AFG1L: variants seen among roughly 807,000 people sequenced by gnomAD.
AFG1L encodes the protein AFG1 like ATPase.
Under a neutral mutation model 62.2 loss-of-function variants are expected in AFG1L, and 53 were observed. The ratio of observed to expected loss-of-function variants is 0.85; its 90% CI spans 0.68 to 1.07. The LOEUF (loss-of-function observed/expected upper bound fraction) is 1.07, where lower values mean the gene tolerates loss of function less well. AFG1L is among the 50% of genes least tolerant of loss of function. The pLI is 0.00. For missense variants in AFG1L, 555 were observed against 590.5 expected, an observed-to-expected ratio of 0.94 and a Z score of 0.62; for synonymous variants, 228 against 210.3, an observed-to-expected ratio of 1.08 and a Z score of -0.73.
At chr6:108,449,126 C>T (rs926459818) in intron 8 of AFG1L, among the ~76,000 whole-genome samples, 39 of 148,064 alleles carry the variant, frequency 2.6e-4, no homozygotes, top group Admixed American at 2.4e-3. Flanking sequence ...TCAGCCTGGG[C>T]GACAGAGCAA....
chr6:108,465,691 T>C (rs1772638697), intron 8 of AFG1L, among the ~76,000 whole-genome samples: 1 of 152,080 alleles, frequency 6.6e-6, no homozygotes, highest in African/African-American at 2.4e-5. Context: ...CTAAAGTTTT[T>C]ACAATAAAGT....
intron 6 of AFG1L, among the ~76,000 whole-genome samples, chr6:108,400,215 C>G (rs1263745053): frequency 1.3e-5 from 2 of 152,058 alleles, no homozygotes; most frequent in Non-Finnish European, 2.9e-5. Flanking sequence ...GCTCAGACAT[C>G]TAGTACTATG....
intron 1 of AFG1L, among the ~76,000 whole-genome samples, chr6:108,298,596 G>A (rs1427890987): frequency 2.6e-5 from 4 of 152,016 alleles, no homozygotes; most frequent in African/African-American, 7.2e-5. Context: ...AAGTGTGGAT[G>A]TGAGCTGTAC....
At chr6:108,410,368 A>G (rs1350212682) in intron 7 of AFG1L, among the ~76,000 whole-genome samples, 1 of 152,204 alleles carries the variant, frequency 6.6e-6, no homozygotes, top group Non-Finnish European at 1.5e-5. Context: ...AGGATTATAA[A>G]AAGAATCTTA....
At chr6:108,454,158 T>A (rs1772164716) in intron 8 of AFG1L, among the ~76,000 whole-genome samples, 1 of 152,234 alleles carries the variant, frequency 6.6e-6, no homozygotes, top group Non-Finnish European at 1.5e-5. Flanking sequence ...TTCTCTCATG[T>A]GTCTTTTAGA....
chr6:108,405,490 G>A (rs1221887241), intron 7 of AFG1L, among the ~76,000 whole-genome samples: 1 of 152,118 alleles, frequency 6.6e-6, no homozygotes, highest in African/African-American at 2.4e-5. Context: ...GGGACTATAG[G>A]CGTATTCCAC....
At chr6:108,504,011 TCTGTGTTAGG>T (rs544049130) in intron 10 of AFG1L, among the ~76,000 whole-genome samples, 30 of 152,388 alleles carry the variant, frequency 2.0e-4, no homozygotes, top group East Asian at 7.7e-4. Context: ...AGGGCCTTGC[TCTGTGTTAGG>T]CTTTGCCTTA....
At chr6:108,350,613 A>G (rs1779043031) in intron 3 of AFG1L, among the ~76,000 whole-genome samples, 1 of 152,220 alleles carries the variant, frequency 6.6e-6, no homozygotes, top group Admixed American at 6.5e-5. Flanking sequence ...ATAGAAGCCA[A>G]AAGCTGTGGT....
chr6:108,295,341 G>GA, intron 1 of AFG1L, 123 bp downstream of exon 1: 1 of 1,116,932 alleles, frequency 9.0e-7, no homozygotes, highest in Non-Finnish European at 1.3e-6. Flanking sequence ...AGGGCTCCTC[G>GA]AGAGGAGTTT....
intron 7 of AFG1L, among the ~76,000 whole-genome samples, chr6:108,416,464 C>T (rs1179805271): frequency 6.6e-6 from 1 of 152,192 alleles, no homozygotes; most frequent in Non-Finnish European, 1.5e-5. Flanking sequence ...GCTATAAAGA[C>T]ACATGCACAC....
chr6:108,505,445 G>GA (rs1232756812), intron 10 of AFG1L, among the ~76,000 whole-genome samples: 1 of 151,988 alleles, frequency 6.6e-6, no homozygotes, highest in Non-Finnish European at 1.5e-5. Context: ...GATGTACAAA[G>GA]ATAACCAGGC....
intron 2 of AFG1L, among the ~76,000 whole-genome samples, chr6:108,328,166 G>T (rs1427101613): frequency 6.6e-6 from 1 of 152,040 alleles, no homozygotes; most frequent in African/African-American, 2.4e-5. Flanking sequence ...TATATATATA[G>T]GGATATATTT....
intron 5 of AFG1L, among the ~76,000 whole-genome samples, chr6:108,363,182 T>G (rs1779612973): frequency 6.6e-6 from 1 of 152,230 alleles, no homozygotes; most frequent in Non-Finnish European, 1.5e-5. Context: ...TGCAGAATGC[T>G]CTTCATTAGT....
At chr6:108,463,978 A>T (rs545403011) in intron 8 of AFG1L, among the ~76,000 whole-genome samples, 3 of 152,352 alleles carry the variant, frequency 2.0e-5, no homozygotes, top group African/African-American at 7.2e-5. Flanking sequence ...GAGAAGGCTC[A>T]CTGCCAGGGA....
chr6:108,427,315 G>A (rs920136099), intron 7 of AFG1L, among the ~76,000 whole-genome samples: 7 of 151,914 alleles, frequency 4.6e-5, no homozygotes, highest in South Asian at 2.1e-4. Flanking sequence ...TCTCAAACCC[G>A]TGGCGTTATA....
Position 108,444,057 on chromosome 6 carries a change from C to CTATCT in AFG1L, c.808-3157_808-3156insTATCT, listed in dbSNP as rs757971644. On this transcript the variant is annotated intron_variant, in intron 7 of 12. Coordinates refer to ENST00000368977, the MANE Select transcript of AFG1L (RefSeq NM_145315.5). ...TTCTTCTACTGAAGTGAATATCTCC[C>CTATCT]ATCTATCTATCTATCTATCTATCTA... 2.8e-5 allele frequency among the ~76,000 whole-genome samples: 4 copies of CTATCT among 145,242 alleles called. No individual in the cohort carries two copies. In the South Asian group the frequency reaches 9.1e-4, roughly 33 times the overall value.
intron 6 of AFG1L, among the ~76,000 whole-genome samples, chr6:108,399,520 G>T (rs1182763027): frequency 6.6e-6 from 1 of 151,648 alleles, no homozygotes; most frequent in East Asian, 1.9e-4. Flanking sequence ...CTAGGTATTT[G>T]ATTTTATTTG....
intron 1 of AFG1L, among the ~76,000 whole-genome samples, chr6:108,298,296 C>T (rs945032629): frequency 6.5e-5 from 9 of 139,292 alleles, no homozygotes; most frequent in Admixed American, 1.5e-4. Flanking sequence ...GACAGAGTCT[C>T]GCTCTGTCAC....
At chr6:108,414,123 A>G (rs1782245240) in intron 7 of AFG1L, among the ~76,000 whole-genome samples, 1 of 152,352 alleles carries the variant, frequency 6.6e-6, no homozygotes, top group South Asian at 2.1e-4. Flanking sequence ...ACAAACTACC[A>G]TCAGAGAATA....
Sources: allele counts gnomAD v4.1 joint callset (sites outside exome capture counted in the v4.1 genomes callset), GRCh38; gene constraint gnomAD v4.1.1; transcripts MANE v1.5; gene names NCBI Gene and HGNC (gene_info 2026-07-23, HGNC 2026-07-21).